Variants in PSD3 observed in about 807,000 individuals in gnomAD.
PSD3 encodes the protein PH and SEC7 domain-containing protein 3.
Under a neutral mutation model 105.5 loss-of-function variants are expected in PSD3, and 49 were observed. The observed-to-expected ratio is 0.46, with a 90% CI of 0.37 to 0.59. PSD3 has a LOEUF of 0.59. Ranked by LOEUF, PSD3 falls within the 20% of genes least tolerant of loss-of-function variation. The pLI, the probability that PSD3 is intolerant of heterozygous loss-of-function variation, is 0.00. For missense variants in PSD3, 1,561 were observed against 1,263.8 expected (o/e 1.24, Z -3.57); for synonymous variants, 557 against 457.8 (o/e 1.22, Z -2.77).
chr8:19,019,295 G>A (rs536130665), intron 1 of PSD3, among the ~76,000 whole-genome samples: 81 of 152,022 alleles, frequency 5.3e-4, no homozygotes, highest in Non-Finnish European at 1.1e-3. Context: ...TCACAGATGT[G>A]AGTCATTGCA....
intron 12 of PSD3, among the ~76,000 whole-genome samples, chr8:18,584,844 G>C (rs1428324530): frequency 6.6e-6 from 1 of 152,170 alleles, no homozygotes; most frequent in African/African-American, 2.4e-5. Context: ...CATGGAACGG[G>C]TATGTAGAGC....
At chr8:18,931,821 C>T (rs1308251390) in intron 2 of PSD3, among the ~76,000 whole-genome samples, 1 of 152,208 alleles carries the variant, frequency 6.6e-6, no homozygotes, top group East Asian at 1.9e-4. Context: ...TAACACAGCA[C>T]ATTTATAGCA....
At chr8:18,701,097 C>T (rs1233155451) in intron 9 of PSD3, among the ~76,000 whole-genome samples, 5 of 151,288 alleles carry the variant, frequency 3.3e-5, no homozygotes, top group African/African-American at 1.2e-4. Flanking sequence ...TCCCAAGTAG[C>T]TGAGACCACA....
At chr8:18,807,429 AAG>A (rs1028133612) in intron 4 of PSD3, among the ~76,000 whole-genome samples, 2 of 152,186 alleles carry the variant, frequency 1.3e-5, no homozygotes, top group African/African-American at 4.8e-5. Flanking sequence ...GAATAGGGAA[AAG>A]AGAGAGAGTT....
intron 2 of PSD3, among the ~76,000 whole-genome samples, chr8:18,912,068 A>G (rs1206474131): frequency 6.6e-6 from 1 of 152,186 alleles, no homozygotes; most frequent in Non-Finnish European, 1.5e-5. Context: ...AAAAAAATCA[A>G]CCCACTAGAC....
chr8:19,056,933 C>T (rs564670531), intron 1 of PSD3, among the ~76,000 whole-genome samples: 17 of 152,298 alleles, frequency 1.1e-4, no homozygotes, highest in African/African-American at 4.1e-4. Context: ...ATGAGCTCAG[C>T]TTACACTTTT....
chr8:18,595,899 A>G (rs757069532), intron 12 of PSD3, among the ~76,000 whole-genome samples: 6 of 152,142 alleles, frequency 3.9e-5, no homozygotes, highest in Non-Finnish European at 4.4e-5. Context: ...GCAATACACC[A>G]AATATCCTAG....
chr8:19,066,203 A>C (rs374354405), intron 1 of PSD3, among the ~76,000 whole-genome samples: 13 of 152,248 alleles, frequency 8.5e-5, no homozygotes, highest in African/African-American at 3.1e-4. Flanking sequence ...GGTACTACCA[A>C]CTGGTAGATA....
At chr8:18,781,635 C>CT (rs1235145926) in intron 8 of PSD3, among the ~76,000 whole-genome samples, 6 of 152,100 alleles carry the variant, frequency 3.9e-5, no homozygotes, top group Non-Finnish European at 7.3e-5. Context: ...TTAGAATTCT[C>CT]TTTTTCTTGG....
rs545960155 is a variant in PSD3 at position 18,888,980 on chromosome 8, A to G, written c.131-16247T>C. 2.5e-4 allele frequency among the ~76,000 whole-genome samples: 38 copies of G among 152,144 alleles called. No homozygotes were observed. In the South Asian group the frequency reaches 4.8e-3, roughly 19 times the overall value. ...GCAAAGCTGAAAGCACCCCTTACCC[A>G]CCACAGACCTCCCACCCCCACCCAC... On this transcript the variant is annotated intron_variant, in intron 2 of 15. Coordinates refer to ENST00000327040, the MANE Select transcript of PSD3 (RefSeq NM_015310.4).
In PSD3 at chr8:18,892,067, A is replaced by T. The variant is rs948106104; in HGVS notation, c.131-19334T>A. ...CAGCCCACATGTGAACATAAAGAAG[A>T]GCCGAAGAGAACAAAGTCACTCTTT... On this transcript the variant is annotated intron_variant, in intron 2 of 15. Transcript: ENST00000327040. Among the ~76,000 whole-genome samples, 9 of 152,152 alleles carry T rather than the reference A, an allele frequency of 5.9e-5. 1 individual carries two copies. In the South Asian group the frequency reaches 1.2e-3, roughly 21 times the overall value.
chr8:19,062,476 A>T (rs1241203984), intron 1 of PSD3, among the ~76,000 whole-genome samples: 2 of 152,232 alleles, frequency 1.3e-5, no homozygotes, highest in Non-Finnish European at 2.9e-5. Flanking sequence ...GAACAGCAAG[A>T]GACCACTGTT....
chr8:18,609,759 A>G lies in PSD3; in HGVS notation c.2411-9325T>C, dbSNP rs114075366. ...TTCATAGATGACAGACTCACAGATG[A>G]TTAAGTGAAGTTAAGGGTAATCCTG... On this transcript the variant is annotated intron_variant, in intron 11 of 15. Transcript: ENST00000327040. Among the ~76,000 whole-genome samples the G allele has an allele frequency of 5.4e-3, 825 of 152,350 alleles. 9 individuals carry two copies. The highest frequency in any genetic ancestry group is 0.018 in the African/African-American group (752 of 41,590).
chr8:18,877,623 T>G (rs972850653), intron 2 of PSD3, among the ~76,000 whole-genome samples: 7 of 151,186 alleles, frequency 4.6e-5, no homozygotes, highest in African/African-American at 1.7e-4. Flanking sequence ...TTCACTGCAG[T>G]GTTGACCTCC....
chr8:18,781,862 T>A (rs915226915), intron 8 of PSD3, among the ~76,000 whole-genome samples: 2 of 152,206 alleles, frequency 1.3e-5, no homozygotes, highest in Non-Finnish European at 2.9e-5. Flanking sequence ...TTGTATGTGT[T>A]ACATAAGCTT....
At chr8:18,721,233 T>G (rs900076986) in intron 9 of PSD3, 4 of 151,978 alleles carry the variant, frequency 2.6e-5, no homozygotes, top group Non-Finnish European at 5.9e-5. Flanking sequence ...AATCACTGAT[T>G]TCTCTTTAAG....
intron 9 of PSD3, among the ~76,000 whole-genome samples, chr8:18,717,595 T>C (rs1263831702): frequency 6.6e-6 from 1 of 152,192 alleles, no homozygotes; most frequent in Non-Finnish European, 1.5e-5. Context: ...TGTTATATTA[T>C]ATATTTTATA....
intron 4 of PSD3, chr8:18,808,764 T>C (rs200770699): frequency 1.4e-5 from 23 of 1,614,068 alleles, no homozygotes; most frequent in Non-Finnish European, 1.9e-5. Flanking sequence ...CCAGCAACCA[T>C]ACAGACACCA....
At position 18,872,192 on chromosome 8, in the gene PSD3, G is replaced by A. The variant is rs139294568; in HGVS notation, c.672C>T (p.Asp224=). 8 of 1,614,080 alleles carry A rather than the reference G, an allele frequency of 5.0e-6. No individual in the cohort carries two copies. The highest frequency in any genetic ancestry group is 6.8e-6 in the Non-Finnish European group (8 of 1,180,032). ...TTATCTGGGAAATCTCTGCCTGAGTGTCTCCAGTTAACAGCGCGGTGAGAT... is the reference window on the plus strand; with the variant it reads ...TTATCTGGGAAATCTCTGCCTGAGTATCTCCAGTTAACAGCGCGGTGAGAT... The part of the protein sequence containing the change: ...QKDLTALLTG[D]TQAEISQIMN... The change falls in exon 3 of 16, where the codon GAC becomes GAT. Residue 224 remains aspartate, a synonymous_variant. Transcript: ENST00000327040.
Sources: gnomAD v4.1 joint callset for allele counts (sites outside exome capture counted in the v4.1 genomes callset) on GRCh38, gnomAD v4.1.1 for gene constraint, MANE v1.5 for transcripts, NCBI Gene and HGNC (gene_info 2026-07-23, HGNC 2026-07-21) for gene names.